TFDP2: variants seen among roughly 807,000 people sequenced by gnomAD.
TFDP2 encodes the protein transcription factor Dp-2 (E2F dimerization partner 2).
TFDP2 carries 17 observed loss-of-function variants against 59.3 expected under a neutral mutation model. That is an observed-to-expected ratio of 0.29 (90% CI 0.20 to 0.43). The LOEUF (loss-of-function observed/expected upper bound fraction) is 0.43, where lower values mean the gene tolerates loss of function less well. Among genes scored for constraint, TFDP2 ranks in the 20% least tolerant of loss-of-function variants. TFDP2 has a pLI of 1.00. For missense variants in TFDP2, 391 were observed against 528.8 expected, an observed-to-expected ratio of 0.74 and a Z score of 2.56; for synonymous variants, 180 against 194.7, an observed-to-expected ratio of 0.92 and a Z score of 0.63.
intron 3 of TFDP2, chr3:142,054,088 T>C (rs1436378241): frequency 6.6e-6 from 1 of 152,218 alleles, no homozygotes; most frequent in Non-Finnish European, 1.5e-5. Flanking sequence ...GTTTGGTAAT[T>C]GCTTATAAAG....
chr3:142,054,714 T>C (rs1246910561), intron 3 of TFDP2, among the ~76,000 whole-genome samples: 1 of 152,128 alleles, frequency 6.6e-6, no homozygotes, highest in Non-Finnish European at 1.5e-5. Flanking sequence ...TCAACATACC[T>C]AGGTTCAAAT....
intron 1 of TFDP2, among the ~76,000 whole-genome samples, chr3:142,120,804 G>C (rs2062021513): frequency 6.6e-6 from 1 of 152,142 alleles, no homozygotes. Context: ...AGCAGCTGCA[G>C]TGATGGGAAC....
At chr3:142,013,808 T>C (rs1434199185) in intron 3 of TFDP2, among the ~76,000 whole-genome samples, 5 of 150,382 alleles carry the variant, frequency 3.3e-5, no homozygotes, top group Non-Finnish European at 7.4e-5. Flanking sequence ...GGGGTTCCAG[T>C]TACAATTAAT....
chr3:142,012,800 T>TA, intron 3 of TFDP2, among the ~76,000 whole-genome samples: 1 of 152,240 alleles, frequency 6.6e-6, no homozygotes, highest in South Asian at 2.1e-4. Flanking sequence ...TTTTATTATT[T>TA]AAAAAAACAT....
intron 3 of TFDP2, among the ~76,000 whole-genome samples, chr3:142,033,657 T>A (rs545699930): frequency 1.2e-4 from 19 of 152,328 alleles, no homozygotes; most frequent in African/African-American, 4.3e-4. Context: ...TTGGAGATAA[T>A]ACCTTTAGCC....
At chr3:142,033,716 GA>G (rs553790944) in intron 3 of TFDP2, among the ~76,000 whole-genome samples, 165 of 152,268 alleles carry the variant, frequency 1.1e-3, no homozygotes, top group Non-Finnish European at 1.5e-3. Flanking sequence ...ATTAGAGTCA[GA>G]ATACTTCATC....
At chr3:141,970,738 A>G (rs1390362663) in intron 8 of TFDP2, among the ~76,000 whole-genome samples, 2 of 152,178 alleles carry the variant, frequency 1.3e-5, no homozygotes, top group African/African-American at 4.8e-5. Context: ...TGACTCTCCA[A>G]TGAGGACAGC....
chr3:142,050,339 A>G (rs374434196), intron 3 of TFDP2, among the ~76,000 whole-genome samples: 1 of 151,842 alleles, frequency 6.6e-6, no homozygotes, highest in Non-Finnish European at 1.5e-5. Flanking sequence ...CTTATCCCAG[A>G]CACCTATCCT....
chr3:142,122,980 G>A lies in TFDP2; in HGVS notation c.-92-21139C>T, dbSNP rs1577036143. ...TATATAAAGTTTTTTTTTTTTTGGA[G>A]ACAGGGTCTCTCCGTCGCTCAGACT... On this transcript the variant is annotated intron_variant, in intron 1 of 12. Transcript: ENST00000489671. Among the ~76,000 whole-genome samples, 6 of 149,460 alleles carry A rather than the reference G, an allele frequency of 4.0e-5. 1 individual carries two copies. In the Middle Eastern group the frequency reaches 0.021, roughly 519 times the overall value.
chr3:142,143,559 A>G (rs2063040201), intron 1 of TFDP2, among the ~76,000 whole-genome samples: 1 of 152,246 alleles, frequency 6.6e-6, no homozygotes, highest in Non-Finnish European at 1.5e-5. Context: ...CTAGGAAAAA[A>G]ATCAAATAAT....
At chr3:142,006,376 A>G (rs948586749) in intron 3 of TFDP2, among the ~76,000 whole-genome samples, 3 of 152,186 alleles carry the variant, frequency 2.0e-5, no homozygotes, top group Admixed American at 2.0e-4. Context: ...GCAACATTTA[A>G]GGGTAGGACA....
intron 2 of TFDP2, among the ~76,000 whole-genome samples, chr3:142,093,606 A>C (rs1576964469): frequency 6.6e-6 from 1 of 152,346 alleles, no homozygotes; most frequent in East Asian, 1.9e-4. Flanking sequence ...TTGCCAATAG[A>C]TATTTCAAAA....
At chr3:142,126,320 A>G (rs75568231) in intron 1 of TFDP2, 6,180 of 151,880 alleles carry the variant, frequency 0.041, 137 homozygotes, top group South Asian at 0.06. Flanking sequence ...CTGGGACTAC[A>G]CATTCCCAGA....
chr3:141,965,559 GAGGGGA>G (rs1208283519), intron 9 of TFDP2, among the ~76,000 whole-genome samples: 214 of 135,862 alleles, frequency 1.6e-3, no homozygotes, highest in African/African-American at 4.1e-3. Flanking sequence ...GGGGAAGGGG[GAGGGGA>G]AGGGGAAGGG....
rs376703781 is a variant in TFDP2, at chr3:141,977,887, T to C, written c.519+633A>G. Among the ~76,000 whole-genome samples, 11 of 151,766 alleles carry C rather than the reference T, an allele frequency of 7.2e-5. No homozygotes were observed. In the East Asian group the frequency reaches 1.6e-3, roughly 22 times the overall value. ...CACCATGCCTGGCTAATTTTTTGTA[T>C]TTTTAGTAGAGACAGGGTTTCACAG... On this transcript the variant is annotated intron_variant, in intron 7 of 12. Transcript: ENST00000489671.
intron 3 of TFDP2, among the ~76,000 whole-genome samples, chr3:142,050,859 CAAT>C (rs1947592447): frequency 6.6e-6 from 1 of 151,906 alleles, no homozygotes; most frequent in Admixed American, 6.6e-5. Flanking sequence ...AAAAATCAAT[CAAT>C]CAATCAGGAG....
At chr3:141,968,772 TC>T (rs1402266364) in intron 9 of TFDP2, among the ~76,000 whole-genome samples, 4 of 78,512 alleles carry the variant, frequency 5.1e-5, no homozygotes, top group Admixed American at 1.7e-4. Flanking sequence ...CATATATATC[TC>T]ATATATAGAT....
At chr3:142,094,219 G>A (rs2061089969) in intron 2 of TFDP2, among the ~76,000 whole-genome samples, 1 of 151,646 alleles carries the variant, frequency 6.6e-6, no homozygotes, top group Admixed American at 6.6e-5. Flanking sequence ...AAGCATTGAA[G>A]ATTTGTAACC....
In TFDP2 at chr3:141,951,584, G is replaced by A. The variant is rs1458680212; in HGVS notation, c.*929C>T. Reference sequence around the variant, plus strand: ...GGTTCATTTTCACAAATTGCACACTGGGTGAGATCATACAATTACTGCAGG... The same window carrying A: ...GGTTCATTTTCACAAATTGCACACTAGGTGAGATCATACAATTACTGCAGG... On this transcript the variant is annotated 3_prime_UTR_variant, in exon 13 of 13. Transcript: ENST00000489671. 6.6e-6 allele frequency: 1 copy of A among 152,650 alleles called. No individual in the cohort carries two copies. Among genetic ancestry groups the A allele is most frequent in the African/African-American group, 2.4e-5 (1 of 41,460 alleles). 9.5% of individuals were successfully genotyped at this position (152,650 alleles called of 1,614,324 possible).
Sources: gnomAD v4.1 joint callset for allele counts (sites outside exome capture counted in the v4.1 genomes callset) on GRCh38, gnomAD v4.1.1 for gene constraint, MANE v1.5 for transcripts, NCBI Gene and HGNC (gene_info 2026-07-23, HGNC 2026-07-21) for gene names.